NEDD4L: variants seen among roughly 807,000 people sequenced by gnomAD.
NEDD4L encodes E3 ubiquitin-protein ligase NEDD4-like.
In NEDD4L, 54 loss-of-function variants were observed where a neutral mutation model predicts 148.9. That is an observed-to-expected ratio of 0.36 (90% confidence interval 0.29 to 0.45). NEDD4L has a LOEUF of 0.45. Among genes scored for constraint, NEDD4L ranks in the 20% least tolerant of loss-of-function variants. NEDD4L has a pLI of 1.00. For synonymous variants in NEDD4L, 433 were observed against 440.7 expected (o/e 0.98, Z 0.22); for missense variants, 856 against 1,233.8 (o/e 0.69, Z 4.59).
chr18:58,282,366 T>G (rs73961553), intron 5 of NEDD4L, among the ~76,000 whole-genome samples: 2,357 of 152,280 alleles, frequency 0.015, 52 homozygotes, highest in African/African-American at 0.054. Flanking sequence ...TATCTACTTA[T>G]CTATCTGATT....
intron 5 of NEDD4L, among the ~76,000 whole-genome samples, chr18:58,258,397 A>G (rs1439628896): frequency 6.6e-6 from 1 of 152,270 alleles, no homozygotes; most frequent in Non-Finnish European, 1.5e-5. Flanking sequence ...ATTCAATTAT[A>G]TTACCAAAAA....
chr18:58,363,158 G>T (rs2045695888), intron 19 of NEDD4L, among the ~76,000 whole-genome samples: 1 of 144,936 alleles, frequency 6.9e-6, no homozygotes, highest in Non-Finnish European at 1.5e-5. Flanking sequence ...TGGAAGAGTG[G>T]TTGTTTGTTT....
At chr18:58,142,857 T>C (rs932203967) in intron 1 of NEDD4L, among the ~76,000 whole-genome samples, 3 of 152,118 alleles carry the variant, frequency 2.0e-5, no homozygotes, top group Admixed American at 6.5e-5. Context: ...GATTTTTAAA[T>C]ATTAATATTA....
intron 16 of NEDD4L, 85 bp downstream of exon 16, chr18:58,343,188 G>A: frequency 7.9e-7 from 1 of 1,262,286 alleles, no homozygotes. Context: ...TGTAGTTCTT[G>A]CAGAGGAATT....
intron 2 of NEDD4L, among the ~76,000 whole-genome samples, chr18:58,178,202 A>C (rs990127279): frequency 6.6e-6 from 1 of 152,238 alleles, no homozygotes; most frequent in Non-Finnish European, 1.5e-5. Flanking sequence ...TTTCCAGATT[A>C]AACTCTTTCA....
intron 23 of NEDD4L, chr18:58,372,086 T>C (rs943928403): frequency 3.9e-5 from 6 of 152,154 alleles, no homozygotes; most frequent in Admixed American, 3.9e-4. Flanking sequence ...TTAAAACTAT[T>C]GGTATTTACT....
chr18:58,152,871 G>A (rs983096541), intron 1 of NEDD4L, among the ~76,000 whole-genome samples: 3 of 152,244 alleles, frequency 2.0e-5, no homozygotes, highest in Non-Finnish European at 2.9e-5. Flanking sequence ...CTCCTGCAGA[G>A]AACCTGGTAC....
intron 2 of NEDD4L, among the ~76,000 whole-genome samples, chr18:58,241,406 T>G (rs158858): frequency 0.56 from 85,247 of 151,996 alleles, 24,334 homozygotes; most frequent in East Asian, 0.86. Flanking sequence ...TTTAATGTTC[T>G]GAACCCCAGC....
intron 1 of NEDD4L, among the ~76,000 whole-genome samples, chr18:58,069,450 T>C (rs1380313214): frequency 6.6e-6 from 1 of 152,212 alleles, no homozygotes; most frequent in African/African-American, 2.4e-5. Flanking sequence ...TTCTAATTAT[T>C]TTGTCAGCTC....
At chr18:58,107,954 A>G (rs976539554) in intron 1 of NEDD4L, among the ~76,000 whole-genome samples, 20 of 152,218 alleles carry the variant, frequency 1.3e-4, no homozygotes, top group African/African-American at 4.6e-4. Context: ...TCCTGGGCTC[A>G]AGCAATCCTC....
In NEDD4L at chr18:58,366,003, A is replaced by G. The variant is rs2046071961; in HGVS notation, c.1838A>G (p.Asp613Gly). The G allele has an allele frequency of 6.2e-7, 1 of 1,603,194 alleles. No homozygotes were observed. Among genetic ancestry groups the G allele is most frequent in the Non-Finnish European group, 8.5e-7 (1 of 1,172,902 alleles). Reference sequence around the variant, plus strand: ...TTTCTTTTGTCTTTTGTGTAGGCTGATATCCCCAATAGGTTTGAAATGAAA... The same window carrying G: ...TTTCTTTTGTCTTTTGTGTAGGCTGGTATCCCCAATAGGTTTGAAATGAAA... ...YFRKKLKKPADIPNRFEMKLH... is the reference protein window; with the variant it reads ...YFRKKLKKPAGIPNRFEMKLH... The change falls in exon 21 of 31, where the codon GAT becomes GGT. Residue 613 changes from aspartate to glycine, a missense_variant. Coordinates refer to ENST00000400345, the MANE Select transcript of NEDD4L (RefSeq NM_001144967.3). The surrounding 1 kb of genome is among the most constrained non-coding windows in gnomAD (Gnocchi z 4.2).
chr18:58,155,329 A>C (rs1410568552), intron 1 of NEDD4L, among the ~76,000 whole-genome samples: 1 of 151,964 alleles, frequency 6.6e-6, no homozygotes, highest in African/African-American at 2.4e-5. Flanking sequence ...AAAAAAAAAA[A>C]CGCTCCAAGT....
At chr18:58,356,396 C>T (rs1272939340) in intron 18 of NEDD4L, among the ~76,000 whole-genome samples, 1 of 151,470 alleles carries the variant, frequency 6.6e-6, no homozygotes, top group Non-Finnish European at 1.5e-5. Context: ...GTCCATTGCA[C>T]TCTCTCTCCC....
intron 25 of NEDD4L, 84 bp downstream of exon 25, chr18:58,383,403 C>A (rs1013436060): frequency 1.3e-6 from 1 of 765,332 alleles, no homozygotes; most frequent in Non-Finnish European, 2.2e-6. Context: ...ACAGCTCATG[C>A]ATTTATTATG....
rs2050589924 is a variant in NEDD4L at position 58,397,801 on chromosome 18, A to AC, written c.*1533dup. 1 of 152,658 alleles carries AC rather than the reference A, an allele frequency of 6.6e-6. No individual in the cohort carries two copies. The highest frequency in any genetic ancestry group is 2.4e-5 in the African/African-American group (1 of 41,454). 9.5% of individuals were successfully genotyped at this position (152,658 alleles called of 1,614,324 possible). A position where few individuals can be genotyped will look rare whatever the true frequency, so the allele number is the denominator to read the frequency against. ...ACACCTGAGGCAGTGTGGGAGTTGA[A>AC]CGACCCTGCTGTCCTTTTTAACCTG... On this transcript the variant is annotated 3_prime_UTR_variant, in exon 31 of 31. Coordinates refer to ENST00000400345, the MANE Select transcript of NEDD4L (RefSeq NM_001144967.3).
chr18:58,393,378 A>G (rs2050078084), intron 30 of NEDD4L, among the ~76,000 whole-genome samples: 1 of 152,208 alleles, frequency 6.6e-6, no homozygotes, highest in Non-Finnish European at 1.5e-5. Flanking sequence ...TGGGATTTTC[A>G]AAGCTCCCCA....
intron 2 of NEDD4L, among the ~76,000 whole-genome samples, chr18:58,200,174 T>C (rs2041229289): frequency 6.6e-6 from 1 of 152,222 alleles, no homozygotes; most frequent in Non-Finnish European, 1.5e-5. Flanking sequence ...CTTTTAAAAA[T>C]GTGCCCAGAT....
chr18:58,072,849 A>T (rs2082939398), intron 1 of NEDD4L, among the ~76,000 whole-genome samples: 1 of 149,784 alleles, frequency 6.7e-6, no homozygotes, highest in Non-Finnish European at 1.5e-5. Context: ...GTATATAGAA[A>T]ATCCTAAGGC....
At chr18:58,297,910 C>G (rs2055890892) in intron 5 of NEDD4L, among the ~76,000 whole-genome samples, 2 of 152,338 alleles carry the variant, frequency 1.3e-5, no homozygotes, top group African/African-American at 4.8e-5. Context: ...CGGGAGCCCC[C>G]TATTACAAGT....
Sources: gnomAD v4.1 joint callset for allele counts (sites outside exome capture counted in the v4.1 genomes callset) on GRCh38, gnomAD v4.1.1 for gene constraint, Gnocchi (gnomAD v3.1) non-coding constraint, MANE v1.5 for transcripts, NCBI Gene and HGNC (gene_info 2026-07-23, HGNC 2026-07-21) for gene names.